The following CEP128 variants were observed in gnomAD, a reference collection of about 807,000 sequenced individuals.
CEP128 encodes centrosomal protein 128.
A neutral mutation model predicts 156.7 loss-of-function variants in CEP128; 132 were observed. The observed-to-expected ratio is 0.84, with a 90% CI of 0.73 to 0.97. The LOEUF is 0.97. Among genes scored for constraint, CEP128 ranks in the 50% least tolerant of loss-of-function variants. The pLI is 0.00. For missense variants in CEP128, 1,252 were observed against 1,281.9 expected (o/e 0.98, Z 0.36); for synonymous variants, 469 against 448.9 (o/e 1.04, Z -0.57).
At position 80,663,663 on chromosome 14, in the gene CEP128, T is replaced by C. The variant is rs139627255; in HGVS notation, c.2806+79412A>G. ...GAGGCACTACCAAAGATGTTATACA[T>C]AGACTATTGCACTGAATTCTCACAA... On this transcript the variant is annotated intron_variant, in intron 19 of 24. Transcript: ENST00000555265. Among the ~76,000 whole-genome samples the C allele has an allele frequency of 2.2e-3, 338 of 152,300 alleles. 2 individuals carry two copies. The highest frequency in any genetic ancestry group is 7.9e-3 in the African/African-American group (330 of 41,572).
At chr14:80,604,089 T>G (rs1372508191) in intron 19 of CEP128, among the ~76,000 whole-genome samples, 1 of 152,228 alleles carries the variant, frequency 6.6e-6, no homozygotes, top group Non-Finnish European at 1.5e-5. Flanking sequence ...AAACATCTCC[T>G]GAAATTCTCC....
chr14:80,598,545 C>T (rs149716633), intron 19 of CEP128, among the ~76,000 whole-genome samples: 143 of 152,206 alleles, frequency 9.4e-4, no homozygotes, highest in African/African-American at 3.2e-3. Context: ...TCAGTTCTCT[C>T]CAAACTAATA....
At chr14:80,522,950 C>T (rs1336910842) in intron 23 of CEP128, among the ~76,000 whole-genome samples, 2 of 152,224 alleles carry the variant, frequency 1.3e-5, no homozygotes, top group African/African-American at 4.8e-5. Flanking sequence ...ACATTATGCT[C>T]TCACAATTGT....
intron 13 of CEP128, among the ~76,000 whole-genome samples, chr14:80,805,751 T>C (rs1333862178): frequency 6.6e-6 from 1 of 152,188 alleles, no homozygotes; most frequent in African/African-American, 2.4e-5. Context: ...CAGTCAGAAC[T>C]AAGGCAAGTC....
At chr14:80,703,059 A>G (rs1022807333) in intron 19 of CEP128, among the ~76,000 whole-genome samples, 1 of 152,122 alleles carries the variant, frequency 6.6e-6, no homozygotes, top group African/African-American at 2.4e-5. Flanking sequence ...AACAACTTCT[A>G]AAGATAGAAA....
At chr14:80,481,518 A>G (rs1339237084) in intron 14 of CEP128, among the ~76,000 whole-genome samples, 3 of 152,210 alleles carry the variant, frequency 2.0e-5, no homozygotes, top group Non-Finnish European at 4.4e-5. Flanking sequence ...CTCTCTTAGC[A>G]TTAGCTTTGC....
intron 21 of CEP128, among the ~76,000 whole-genome samples, chr14:80,548,092 G>A (rs1031283668): frequency 4.6e-5 from 7 of 151,962 alleles, no homozygotes; most frequent in South Asian, 2.1e-4. Flanking sequence ...GAGCCACTGC[G>A]CCCAGCTGGG....
At chr14:80,658,350 T>A (rs111994110) in intron 19 of CEP128, among the ~76,000 whole-genome samples, 1 of 152,192 alleles carries the variant, frequency 6.6e-6, no homozygotes, top group East Asian at 1.9e-4. Context: ...TTCACATTTA[T>A]GCTTGTCAGC....
At chr14:80,825,856 C>T (rs1885443692) in intron 13 of CEP128, among the ~76,000 whole-genome samples, 2 of 152,060 alleles carry the variant, frequency 1.3e-5, no homozygotes, top group Non-Finnish European at 2.9e-5. Flanking sequence ...TCCTGTAATC[C>T]CAGCACTTTG....
chr14:80,939,142 C>CT (rs1454842969), intron 2 of CEP128, among the ~76,000 whole-genome samples: 1 of 152,216 alleles, frequency 6.6e-6, no homozygotes, highest in East Asian at 1.9e-4. Context: ...CAATTCCTTG[C>CT]TTAATAGAAA....
intron 13 of CEP128, among the ~76,000 whole-genome samples, chr14:80,819,948 T>G (rs1885076102): frequency 6.6e-6 from 1 of 152,142 alleles, no homozygotes; most frequent in Non-Finnish European, 1.5e-5. Flanking sequence ...GAAACCAAAC[T>G]ACATATGAAA....
In CEP128 at chr14:80,568,704, G is replaced by A. The variant is rs191344926; in HGVS notation, c.2857-9402C>T. On this transcript the variant is annotated intron_variant, in intron 20 of 24. Coordinates refer to ENST00000555265, the MANE Select transcript of CEP128 (RefSeq NM_152446.5). ...TTAATCTCCATTTCCCAACACACAC[G>A]CGCAGGTAAGAAGGGAAATGTAGCT... Among the ~76,000 whole-genome samples, 97 of 152,162 alleles carry A rather than the reference G, an allele frequency of 6.4e-4. 1 individual carries two copies. The highest frequency in any genetic ancestry group is 6.0e-3 in the East Asian group (31 of 5,182).
intron 13 of CEP128, among the ~76,000 whole-genome samples, chr14:80,803,132 T>C (rs1883972820): frequency 6.6e-6 from 1 of 152,220 alleles, no homozygotes; most frequent in South Asian, 2.1e-4. Flanking sequence ...CTGTGTTCTA[T>C]TGCTCCAGAG....
chr14:80,510,394 C>T lies in CEP128; in HGVS notation c.3073-5374G>A, dbSNP rs553532175. Among the ~76,000 whole-genome samples, 15 of 151,922 alleles carry T rather than the reference C, an allele frequency of 9.9e-5. No individual in the cohort carries two copies. The South Asian group carries it at 2.3e-3, about 23-fold the overall frequency. ...TTTGCGGGTATTGTAAATAGGATTC[C>T]TTTTTTTGATTTCTTTTTCACATCG... On this transcript the variant is annotated intron_variant, in intron 23 of 24. Transcript: ENST00000555265.
At chr14:80,784,866 G>C (rs774707214) in intron 15 of CEP128, 29 bp downstream of exon 15, 5 of 1,543,844 alleles carry the variant, frequency 3.2e-6, no homozygotes, top group Admixed American at 2.0e-5. Context: ...AATTCCTTCA[G>C]TATCATCAGG....
intron 19 of CEP128, among the ~76,000 whole-genome samples, chr14:80,670,172 G>A (rs1161976764): frequency 1.3e-5 from 2 of 152,050 alleles, no homozygotes; most frequent in African/African-American, 2.4e-5. Context: ...ACCAGGACTC[G>A]CCTCAAACAC....
At position 80,955,745 on chromosome 14, in the gene CEP128, T is replaced by C. The variant is rs562487889; in HGVS notation, c.-172+2433A>G. 2.5e-6 allele frequency: 4 copies of C among 1,614,148 alleles called. No individual in the cohort carries two copies. In the Admixed American group the frequency reaches 6.7e-5, roughly 27 times the overall value. On this transcript the variant is annotated intron_variant, in intron 2 of 7. Coordinates refer to the CEP128 transcript ENST00000555529. ...GACCTGCCCAGGGACCTGGGCGGAA[T>C]GGGGTGTTCGTCTCCACCCTGCGAG...
At chr14:80,739,697 C>A (rs1898709379) in intron 19 of CEP128, among the ~76,000 whole-genome samples, 1 of 151,870 alleles carries the variant, frequency 6.6e-6, no homozygotes, top group Non-Finnish European at 1.5e-5. Flanking sequence ...AGAGTTAAAT[C>A]ATAGTATACA....
chr14:80,923,725 T>TCC (rs1277552043), intron 2 of CEP128, among the ~76,000 whole-genome samples: 2 of 152,196 alleles, frequency 1.3e-5, no homozygotes, highest in Non-Finnish European at 2.9e-5. Flanking sequence ...TTACACTTAA[T>TCC]CATTAACAAA....
Sources: gnomAD v4.1 joint callset for allele counts (sites outside exome capture counted in the v4.1 genomes callset) on GRCh38, gnomAD v4.1.1 for gene constraint, MANE v1.5 for transcripts, NCBI Gene and HGNC (gene_info 2026-07-23, HGNC 2026-07-21) for gene names.